SHISA9: variants seen among roughly 807,000 people sequenced by gnomAD.
SHISA9 encodes protein shisa-9.
In SHISA9, 13 loss-of-function variants were observed where a neutral mutation model predicts 38.0. That is an observed-to-expected ratio of 0.34 (90% CI 0.22 to 0.54). The LOEUF (loss-of-function observed/expected upper bound fraction) is 0.54. Ranked by LOEUF, SHISA9 falls within the 20% of genes least tolerant of loss-of-function variation. SHISA9 has a pLI of 0.91. For synonymous variants in SHISA9, 275 were observed against 242.0 expected, an observed-to-expected ratio of 1.14 and a Z score of -1.27; for missense variants, 538 against 575.8, an observed-to-expected ratio of 0.93 and a Z score of 0.67.
At chr16:13,443,684 CTT>C in the SHISA9 span, among the ~76,000 whole-genome samples, 3 of 152,188 alleles carry the variant, frequency 2.0e-5, no homozygotes, top group African/African-American at 7.2e-5. Flanking sequence ...GAAAATAAAA[CTT>C]TCATTTATTG....
chr16:13,412,072 C>CCCTA, the SHISA9 span, among the ~76,000 whole-genome samples: 1 of 152,124 alleles, frequency 6.6e-6, no homozygotes, highest in Non-Finnish European at 1.5e-5. Flanking sequence ...AGTAGTCTCA[C>CCCTA]CCTAAACACA....
At chr16:13,247,434 A>C in the SHISA9 span, among the ~76,000 whole-genome samples, 1 of 152,214 alleles carries the variant, frequency 6.6e-6, no homozygotes, top group African/African-American at 2.4e-5. Context: ...AAGGGAACTG[A>C]GAGGTTAAAT....
At chr16:13,487,759 A>G in the SHISA9 span, among the ~76,000 whole-genome samples, 1 of 152,028 alleles carries the variant, frequency 6.6e-6, no homozygotes, top group Admixed American at 6.5e-5. Flanking sequence ...AGTTTCCATT[A>G]TTTTCATTGT....
At chr16:13,160,120 G>A (rs909825983) in intron 2 of SHISA9, among the ~76,000 whole-genome samples, 7 of 152,226 alleles carry the variant, frequency 4.6e-5, no homozygotes, top group African/African-American at 1.7e-4. Context: ...TGCCTTCTAA[G>A]AAAGGCTGAG....
At chr16:13,056,172 G>A (rs887190481) in intron 2 of SHISA9, among the ~76,000 whole-genome samples, 3 of 152,166 alleles carry the variant, frequency 2.0e-5, no homozygotes, top group African/African-American at 7.2e-5. Context: ...CGCTTAAATG[G>A]GCTCAACTCT....
chr16:13,108,194 C>G (rs775642038), intron 2 of SHISA9, among the ~76,000 whole-genome samples: 21 of 151,494 alleles, frequency 1.4e-4, no homozygotes, highest in Admixed American at 3.3e-4. Flanking sequence ...AGTGTCCTGA[C>G]CACGCCTCAC....
chr16:13,385,300 G>A, the SHISA9 span, among the ~76,000 whole-genome samples: 2 of 152,218 alleles, frequency 1.3e-5, no homozygotes, highest in African/African-American at 4.8e-5. Flanking sequence ...GGGCATATCT[G>A]CCAGAGAAAT....
intron 2 of SHISA9, among the ~76,000 whole-genome samples, chr16:13,130,764 T>G (rs896331097): frequency 2.0e-5 from 3 of 152,224 alleles, no homozygotes; most frequent in Admixed American, 6.5e-5. Flanking sequence ...CCTGCCACAG[T>G]AGCACAAATG....
intron 1 of SHISA9, 48 bp downstream of exon 1, chr16:12,902,675 C>T: frequency 6.8e-7 from 1 of 1,472,358 alleles, no homozygotes. Flanking sequence ...GCTCTCCCTG[C>T]TCTCTCCTCC....
chr16:12,930,082 T>G (rs1017233457), intron 2 of SHISA9, among the ~76,000 whole-genome samples: 2 of 152,182 alleles, frequency 1.3e-5, no homozygotes, highest in African/African-American at 4.8e-5. Context: ...CTTGTCTACT[T>G]GCTCCTTTCA....
chr16:13,106,367 C>G (rs1367771089), intron 2 of SHISA9, among the ~76,000 whole-genome samples: 1 of 152,182 alleles, frequency 6.6e-6, no homozygotes, highest in East Asian at 1.9e-4. Flanking sequence ...CAGAGTCCAC[C>G]TCCACCACTT....
intron 2 of SHISA9, among the ~76,000 whole-genome samples, chr16:13,071,953 A>G (rs977010626): frequency 3.3e-5 from 5 of 152,228 alleles, no homozygotes; most frequent in Admixed American, 3.3e-4. Context: ...GCCAAACCCC[A>G]GGCTTTCTGA....
At chr16:13,271,595 T>G in the SHISA9 span, among the ~76,000 whole-genome samples, 2 of 152,062 alleles carry the variant, frequency 1.3e-5, no homozygotes, top group Non-Finnish European at 2.9e-5. Flanking sequence ...TGAATGAACC[T>G]CAAATATATT....
chr16:13,301,971 G>A, the SHISA9 span, among the ~76,000 whole-genome samples: 1 of 152,200 alleles, frequency 6.6e-6, no homozygotes, highest in Non-Finnish European at 1.5e-5. Flanking sequence ...ATGGAGATAA[G>A]GGTAGCAATT....
chr16:13,024,952 A>G (rs1007640801), intron 2 of SHISA9, among the ~76,000 whole-genome samples: 3 of 152,156 alleles, frequency 2.0e-5, no homozygotes, highest in Admixed American at 6.5e-5. Context: ...CTGCTAGTGC[A>G]AGGGGCAGAT....
At chr16:13,486,101 G>A in the SHISA9 span, among the ~76,000 whole-genome samples, 1 of 152,182 alleles carries the variant, frequency 6.6e-6, no homozygotes, top group Non-Finnish European at 1.5e-5. Flanking sequence ...CCCCATTCCT[G>A]CACGGAGTTG....
At chr16:13,414,177 T>C in the SHISA9 span, among the ~76,000 whole-genome samples, 1 of 152,188 alleles carries the variant, frequency 6.6e-6, no homozygotes, top group Non-Finnish European at 1.5e-5. Context: ...AGTTTAAAAT[T>C]ATCACCAGGT....
At chr16:13,544,447 T>TC in the SHISA9 span, among the ~76,000 whole-genome samples, 247 of 144,212 alleles carry the variant, frequency 1.7e-3, 1 homozygote, top group East Asian at 4.7e-3. Flanking sequence ...TTTTTTTTTT[T>TC]CCCCGCTGGA....
At chr16:13,338,426 T>C in the SHISA9 span, among the ~76,000 whole-genome samples, 1 of 152,140 alleles carries the variant, frequency 6.6e-6, no homozygotes, top group Non-Finnish European at 1.5e-5. Flanking sequence ...ATGCCAAATA[T>C]CTGCTGATAT....
Sources: allele counts gnomAD v4.1 joint callset (sites outside exome capture counted in the v4.1 genomes callset), GRCh38; gene constraint gnomAD v4.1.1; transcripts MANE v1.5; gene names NCBI Gene and HGNC (gene_info 2026-07-23, HGNC 2026-07-21).